The following GRID2 variants were observed in gnomAD, a reference collection of about 807,000 sequenced individuals.
GRID2 encodes the protein glutamate ionotropic receptor delta type subunit 2.
Under a neutral mutation model 114.8 loss-of-function variants are expected in GRID2, and 33 were observed. The ratio of observed to expected loss-of-function variants is 0.29; its 90% CI spans 0.22 to 0.38. GRID2 has a LOEUF of 0.38. GRID2 is among the 10% of genes least tolerant of loss of function. The pLI, the probability that GRID2 is intolerant of heterozygous loss-of-function variation, is 1.00. For missense variants in GRID2, 1,184 were observed against 1,257.7 expected, an observed-to-expected ratio of 0.94 and a Z score of 0.89; for synonymous variants, 505 against 449.9, an observed-to-expected ratio of 1.12 and a Z score of -1.55.
At chr4:92,552,269 C>A (rs962977750) in intron 1 of GRID2, among the ~76,000 whole-genome samples, 9 of 151,202 alleles carry the variant, frequency 6.0e-5, no homozygotes, top group Non-Finnish European at 1.2e-4. Flanking sequence ...TAGTAATATC[C>A]CAGAAAACTG....
intron 2 of GRID2, among the ~76,000 whole-genome samples, chr4:92,968,813 CT>C (rs1431073495): frequency 1.3e-5 from 2 of 151,714 alleles, no homozygotes; most frequent in Non-Finnish European, 2.9e-5. Context: ...TATTTGTGGT[CT>C]TTTTGACTGG....
chr4:92,831,831 G>C (rs926153014), intron 2 of GRID2, among the ~76,000 whole-genome samples: 3 of 151,994 alleles, frequency 2.0e-5, no homozygotes, highest in African/African-American at 7.2e-5. Context: ...CTATACTCTA[G>C]ACTGGGAGAC....
intron 1 of GRID2, among the ~76,000 whole-genome samples, chr4:92,327,218 G>A (rs954166085): frequency 2.0e-5 from 3 of 151,872 alleles, no homozygotes. Context: ...TCACTAATAG[G>A]CTCAGTGTCT....
chr4:92,419,240 C>T (rs1346200520), intron 1 of GRID2, among the ~76,000 whole-genome samples: 4 of 152,120 alleles, frequency 2.6e-5, no homozygotes, highest in African/African-American at 9.7e-5. Flanking sequence ...TCTCCTGTGA[C>T]TGTCTCTTAA....
At chr4:93,578,796 T>C (rs1288119709) in intron 13 of GRID2, among the ~76,000 whole-genome samples, 1 of 152,124 alleles carries the variant, frequency 6.6e-6, no homozygotes, top group Non-Finnish European at 1.5e-5. Flanking sequence ...GGTTTCACCA[T>C]GTTAGTCAGG....
intron 8 of GRID2, chr4:93,306,062 T>A (rs572168248): frequency 6.6e-6 from 1 of 152,362 alleles, no homozygotes; most frequent in Admixed American, 6.5e-5. Context: ...AGTTGGAAAC[T>A]TTGTTAACGT....
intron 1 of GRID2, among the ~76,000 whole-genome samples, chr4:93,799,438 C>CCT (rs1734873348): frequency 6.9e-6 from 1 of 145,576 alleles, no homozygotes; most frequent in Non-Finnish European, 1.5e-5. Context: ...ACTGCAGCCC[C>CCT]TTTTTTTTTT....
chr4:93,425,013 G>A (rs527424845), intron 10 of GRID2, among the ~76,000 whole-genome samples: 2 of 151,954 alleles, frequency 1.3e-5, no homozygotes, highest in Non-Finnish European at 2.9e-5. Context: ...TCAATTTTTT[G>A]AAATAATTTT....
intron 1 of GRID2, among the ~76,000 whole-genome samples, chr4:92,361,933 C>A (rs1021945661): frequency 4.0e-5 from 6 of 151,896 alleles, no homozygotes; most frequent in African/African-American, 1.5e-4. Flanking sequence ...ACAATGCTAG[C>A]AAATTCTGCA....
intron 2 of GRID2, among the ~76,000 whole-genome samples, chr4:92,730,729 G>A (rs1175013725): frequency 6.6e-6 from 1 of 151,914 alleles, no homozygotes; most frequent in Non-Finnish European, 1.5e-5. Flanking sequence ...CTTTATTGAT[G>A]TTTGTATAAT....
chr4:93,166,616 C>T (rs538952388), intron 4 of GRID2, among the ~76,000 whole-genome samples: 3 of 152,126 alleles, frequency 2.0e-5, no homozygotes, highest in African/African-American at 7.2e-5. Context: ...GAAGATGTTT[C>T]AGAATTTAAC....
At chr4:92,479,062 T>C (rs1270603580) in intron 1 of GRID2, among the ~76,000 whole-genome samples, 2 of 152,116 alleles carry the variant, frequency 1.3e-5, no homozygotes, top group East Asian at 3.8e-4. Flanking sequence ...AAGTATCTCA[T>C]ATGAGCCAGT....
intron 8 of GRID2, among the ~76,000 whole-genome samples, chr4:93,267,341 C>T (rs971441908): frequency 6.6e-6 from 1 of 152,112 alleles, no homozygotes; most frequent in Non-Finnish European, 1.5e-5. Flanking sequence ...CAATGATGGG[C>T]ACAAGTGCTG....
At chr4:93,145,431 T>A (rs11097360) in intron 4 of GRID2, among the ~76,000 whole-genome samples, 11,718 of 150,600 alleles carry the variant, frequency 0.078, 530 homozygotes, top group East Asian at 0.22. Context: ...TTTAATTATT[T>A]TTTATTTATT....
intron 2 of GRID2, among the ~76,000 whole-genome samples, chr4:92,715,629 C>T (rs1315722987): frequency 6.6e-6 from 1 of 152,156 alleles, no homozygotes; most frequent in African/African-American, 2.4e-5. Context: ...AGGTACATCT[C>T]ACGTGGTGGC....
At chr4:93,374,692 C>T (rs2149297842) in intron 8 of GRID2, among the ~76,000 whole-genome samples, 1 of 152,196 alleles carries the variant, frequency 6.6e-6, no homozygotes, top group South Asian at 2.1e-4. Context: ...TTGGTGGTTT[C>T]ATCCTGTTTA....
chr4:92,838,230 C>G (rs1033603800), intron 2 of GRID2, among the ~76,000 whole-genome samples: 2 of 151,926 alleles, frequency 1.3e-5, no homozygotes, highest in African/African-American at 4.8e-5. Flanking sequence ...GTGTATTATA[C>G]AATACATAAT....
intron 14 of GRID2, among the ~76,000 whole-genome samples, chr4:93,650,804 T>C (rs1437549864): frequency 1.3e-5 from 2 of 151,938 alleles, no homozygotes; most frequent in Non-Finnish European, 2.9e-5. Context: ...TTAAAAAAAT[T>C]CTTCAAGCAG....
At chr4:92,863,098 G>C (rs1744641567) in intron 2 of GRID2, among the ~76,000 whole-genome samples, 1 of 152,100 alleles carries the variant, frequency 6.6e-6, no homozygotes, top group Non-Finnish European at 1.5e-5. Context: ...TTGGAGTTAT[G>C]CGTTGTGCAG....
Sources: gnomAD v4.1 joint callset for allele counts (sites outside exome capture counted in the v4.1 genomes callset) on GRCh38, gnomAD v4.1.1 for gene constraint, MANE v1.5 for transcripts, NCBI Gene and HGNC (gene_info 2026-07-23, HGNC 2026-07-21) for gene names.